Variants in SFMBT1 observed in about 807,000 individuals in gnomAD.
SFMBT1 encodes the protein Scm like with four mbt domains 1, also known as scm-like with four MBT domains protein 1.
In SFMBT1, 32 loss-of-function variants were observed where a neutral mutation model predicts 108.7. The ratio of observed to expected loss-of-function variants is 0.29; its 90% CI spans 0.22 to 0.40. The LOEUF (loss-of-function observed/expected upper bound fraction) is 0.40. Ranked by LOEUF, SFMBT1 falls within the 10% of genes least tolerant of loss-of-function variation. SFMBT1 has a pLI of 1.00. For synonymous variants in SFMBT1, 348 were observed against 369.5 expected, an observed-to-expected ratio of 0.94 and a Z score of 0.67; for missense variants, 816 against 1,059.6, an observed-to-expected ratio of 0.77 and a Z score of 3.19.
chr3:52,948,646 A>G lies in SFMBT1; in HGVS notation c.124-5053T>C, dbSNP rs115254128. ...CCTTACAATTATTATTATTATTATTATTATTGTTATTATTATTTTTGGAGA... is the reference window on the plus strand; with the variant it reads ...CCTTACAATTATTATTATTATTATTGTTATTGTTATTATTATTTTTGGAGA... On this transcript the variant is annotated intron_variant, in intron 3 of 20. Coordinates refer to ENST00000394752, the MANE Select transcript of SFMBT1 (RefSeq NM_016329.4). Among the ~76,000 whole-genome samples, 1,317 of 149,286 alleles carry G rather than the reference A, an allele frequency of 8.8e-3. 15 individuals are homozygous for G. The highest frequency in any genetic ancestry group is 0.014 in the Non-Finnish European group (930 of 67,412).
chr3:53,022,809 C>G (rs1217595777), intron 1 of SFMBT1, among the ~76,000 whole-genome samples: 1 of 152,084 alleles, frequency 6.6e-6, no homozygotes. Context: ...TTAAGTTTTA[C>G]AAGATGAAAA....
chr3:52,970,359 AT>A (rs1225066373), intron 1 of SFMBT1, among the ~76,000 whole-genome samples: 1 of 152,174 alleles, frequency 6.6e-6, no homozygotes, highest in Non-Finnish European at 1.5e-5. Context: ...TTTCACATAA[AT>A]GGAACCATAT....
intron 13 of SFMBT1, among the ~76,000 whole-genome samples, chr3:52,916,566 G>A (rs1388223152): frequency 6.6e-6 from 1 of 151,676 alleles, no homozygotes; most frequent in Non-Finnish European, 1.5e-5. Context: ...CTACTAAGGA[G>A]GCTGAGGGAG....
At chr3:53,022,949 C>T (rs1003497828) in intron 1 of SFMBT1, among the ~76,000 whole-genome samples, 2 of 152,104 alleles carry the variant, frequency 1.3e-5, no homozygotes, top group South Asian at 2.1e-4. Flanking sequence ...AAACTATACA[C>T]TTAAAAATGG....
Position 52,980,655 on chromosome 3 carries a change from T to TAAA in SFMBT1, c.-130-11400_-130-11398dup, listed in dbSNP as rs34854186. Among the ~76,000 whole-genome samples, 20 of 125,136 alleles carry TAAA rather than the reference T, an allele frequency of 1.6e-4. No individual in the cohort carries two copies. The South Asian group carries it at 4.9e-3, about 31-fold the overall frequency. The allele number at this position is 125,136 out of a possible 152,430, so 82.1% of individuals were successfully genotyped here. A position where few individuals can be genotyped will look rare whatever the true frequency, so the allele number is the denominator to read the frequency against. On this transcript the variant is annotated intron_variant, in intron 1 of 20. Coordinates refer to ENST00000394752, the MANE Select transcript of SFMBT1 (RefSeq NM_016329.4). ...TAAATCCAGCACAAGGACCATTGTT[T>TAAA]AAAAAAAAAAAAAAAAAAGCAAAGG...
chr3:52,905,343 T>G (rs1702040284), intron 20 of SFMBT1, 67 bp from the exon 21 acceptor site: 2 of 1,526,184 alleles, frequency 1.3e-6, no homozygotes, highest in South Asian at 2.5e-5. Flanking sequence ...CATGACAGCC[T>G]CTCCTCACTT....
chr3:52,961,230 A>G (rs184165703), intron 2 of SFMBT1, among the ~76,000 whole-genome samples: 1 of 152,234 alleles, frequency 6.6e-6, no homozygotes, highest in South Asian at 2.1e-4. Flanking sequence ...GGATACCTAC[A>G]GTAGTCAAAT....
At chr3:52,933,780 A>G (rs543553544) in intron 5 of SFMBT1, among the ~76,000 whole-genome samples, 13 of 152,292 alleles carry the variant, frequency 8.5e-5, no homozygotes, top group African/African-American at 3.1e-4. Flanking sequence ...GTAACCATAA[A>G]ACTCTTAGAA....
At chr3:53,006,717 T>C (rs1032228548) in intron 1 of SFMBT1, among the ~76,000 whole-genome samples, 1 of 152,112 alleles carries the variant, frequency 6.6e-6, no homozygotes, top group African/African-American at 2.4e-5. Context: ...ATCTATGAAT[T>C]TTGGATATGG....
At chr3:53,028,014 T>C (rs1354674009) in intron 1 of SFMBT1, among the ~76,000 whole-genome samples, 1 of 152,200 alleles carries the variant, frequency 6.6e-6, no homozygotes, top group Non-Finnish European at 1.5e-5. Flanking sequence ...GGTTACCCCA[T>C]TGTTTACAAA....
chr3:52,927,084 G>C (rs548247316), intron 9 of SFMBT1, among the ~76,000 whole-genome samples: 2 of 152,214 alleles, frequency 1.3e-5, no homozygotes, highest in African/African-American at 4.8e-5. Flanking sequence ...TTCACATAGA[G>C]GTGGCAAGCA....
intron 1 of SFMBT1, among the ~76,000 whole-genome samples, chr3:53,017,423 C>A (rs888815576): frequency 2.0e-5 from 3 of 152,148 alleles, no homozygotes; most frequent in Non-Finnish European, 4.4e-5. Flanking sequence ...CTACTACCTG[C>A]TAGGTACTGT....
At chr3:52,920,260 C>G (rs924472267) in intron 12 of SFMBT1, among the ~76,000 whole-genome samples, 1 of 152,190 alleles carries the variant, frequency 6.6e-6, no homozygotes, top group Non-Finnish European at 1.5e-5. Flanking sequence ...ATCCTCCCCA[C>G]GTTGAGCCTT....
intron 1 of SFMBT1, among the ~76,000 whole-genome samples, chr3:52,994,875 C>A (rs1698266819): frequency 6.7e-6 from 1 of 149,290 alleles, no homozygotes; most frequent in South Asian, 2.1e-4. Flanking sequence ...TTAAGACAAA[C>A]TACCTGGTTT....
At chr3:53,027,295 C>T (rs375697582) in intron 1 of SFMBT1, among the ~76,000 whole-genome samples, 4 of 152,156 alleles carry the variant, frequency 2.6e-5, no homozygotes, top group East Asian at 3.8e-4. Flanking sequence ...CATTCCCCCA[C>T]CCCCGTTAAA....
At chr3:52,961,723 T>G (rs1703965741) in intron 2 of SFMBT1, among the ~76,000 whole-genome samples, 1 of 152,226 alleles carries the variant, frequency 6.6e-6, no homozygotes, top group Non-Finnish European at 1.5e-5. Flanking sequence ...AATGTTTTCA[T>G]TAGAAATACA....
At chr3:53,029,166 C>T (rs1221265811) in intron 1 of SFMBT1, among the ~76,000 whole-genome samples, 2 of 123,528 alleles carry the variant, frequency 1.6e-5, no homozygotes, top group Non-Finnish European at 3.1e-5. Context: ...AGCGAGACTC[C>T]GTCTCAAAAA....
chr3:52,942,343 G>C (rs1703210627), intron 4 of SFMBT1, among the ~76,000 whole-genome samples: 1 of 152,124 alleles, frequency 6.6e-6, no homozygotes, highest in Non-Finnish European at 1.5e-5. Context: ...AAAAGAACAT[G>C]AGTAAAGCAG....
intron 1 of SFMBT1, among the ~76,000 whole-genome samples, chr3:53,033,613 A>G (rs1699763401): frequency 6.6e-6 from 1 of 152,066 alleles, no homozygotes; most frequent in Admixed American, 6.5e-5. Flanking sequence ...CTTTCTATAT[A>G]CACAAAGATT....
Sources: allele counts gnomAD v4.1 joint callset (sites outside exome capture counted in the v4.1 genomes callset), GRCh38; gene constraint gnomAD v4.1.1; transcripts MANE v1.5; gene names NCBI Gene and HGNC (gene_info 2026-07-23, HGNC 2026-07-21).